The following CD300LB variants were observed in gnomAD, a reference collection of about 807,000 sequenced individuals.
CD300LB encodes CD300 molecule like family member b.
CD300LB carries 18 observed loss-of-function variants against 20.8 expected under a neutral mutation model. The ratio of observed to expected loss-of-function variants is 0.87; its 90% CI spans 0.60 to 1.28. The LOEUF (loss-of-function observed/expected upper bound fraction) is 1.28, where lower values mean the gene tolerates loss of function less well. Among genes scored for constraint, CD300LB ranks in the 50% most tolerant of loss-of-function variants. The pLI, the probability that CD300LB is intolerant of heterozygous loss-of-function variation, is 0.00. For missense variants in CD300LB, 222 were observed against 251.8 expected (o/e 0.88, Z 0.80); for synonymous variants, 91 against 91.3 (o/e 1.00, Z 0.02).
At chr17:74,523,430 G>C (rs562407823) in intron 3 of CD300LB, 149 bp downstream of exon 3, 3 of 658,026 alleles carry the variant, frequency 4.6e-6, no homozygotes, top group Admixed American at 4.4e-5. Context: ...TGCAGTGATG[G>C]GGGCAGGAGA....
chr17:74,524,368 C>T (rs1446096210), intron 2 of CD300LB, among the ~76,000 whole-genome samples: 3 of 152,108 alleles, frequency 2.0e-5, no homozygotes, highest in African/African-American at 4.8e-5. Flanking sequence ...GGAGGCAGAT[C>T]GCTTGAGGCC....
rs1907892564 is a variant in CD300LB, at chr17:74,521,960, T to A, written c.*778A>T. ...CGTTACTGCCCTCCCCACCTGGAGG[T>A]GGTTCTTGAGGCCTGACAGGCTCTT... On this transcript the variant is annotated 3_prime_UTR_variant, in exon 4 of 4. Coordinates refer to ENST00000392621, the MANE Select transcript of CD300LB (RefSeq NM_174892.4). The A allele has an allele frequency of 1.0e-6, 1 of 985,106 alleles. No homozygotes were observed. Among genetic ancestry groups the A allele is most frequent in the African/African-American group, 1.7e-5 (1 of 57,160 alleles). 61.0% of individuals were successfully genotyped at this position (985,106 alleles called of 1,614,324 possible).
Position 74,522,845 on chromosome 17 carries a change from T to G in CD300LB, c.499A>C (p.Thr167Pro). 6.2e-7 allele frequency: 1 copy of G among 1,614,082 alleles called. No homozygotes were observed. Among genetic ancestry groups the G allele is most frequent in the Non-Finnish European group, 8.5e-7 (1 of 1,180,006 alleles). The change falls in exon 4 of 4, where the codon ACT becomes CCT. Residue 167 changes from threonine to proline, a missense_variant. By Grantham distance (38) the Thr-to-Pro change is conservative. Coordinates refer to ENST00000392621, the MANE Select transcript of CD300LB (RefSeq NM_174892.4). Reference sequence around the variant, plus strand: ...GACCCCTTCAACCAGAGGATGGCAGTGACCAAGATGAGCAAGATGGGCACC... The same window carrying G: ...GACCCCTTCAACCAGAGGATGGCAGGGACCAAGATGAGCAAGATGGGCACC... ...VKVPILLILV[T>P]AILWLKGSQR...
rs748684795 is a variant in CD300LB at position 74,522,705 on chromosome 17, G to A, written c.*33C>T. 1 of 1,611,748 alleles carries A rather than the reference G, an allele frequency of 6.2e-7. No homozygotes were observed. Among genetic ancestry groups the A allele is most frequent in the South Asian group, 1.1e-5 (1 of 90,964 alleles). On this transcript the variant is annotated 3_prime_UTR_variant, in exon 4 of 4. Transcript: ENST00000392621. ...AGCCCGAGTCTCTTCTGGAAACGTG[G>A]CCAGGGCAGGAAGGCTCTGCAGATC...
At chr17:74,530,450 T>C (rs1908169314) in intron 1 of CD300LB, among the ~76,000 whole-genome samples, 1 of 151,980 alleles carries the variant, frequency 6.6e-6, no homozygotes. Context: ...TCCAACCTCA[T>C]ATCCAACTCG....
In CD300LB at chr17:74,521,311, G is replaced by T. The variant is rs73995630; in HGVS notation, c.*1427C>A. 2.6e-4 allele frequency: 255 copies of T among 978,188 alleles called. No individual in the cohort carries two copies. The African/African-American group carries it at 4.3e-3, about 16-fold the overall frequency. The allele number at this position is 978,188 out of a possible 1,614,324, so 60.6% of individuals were successfully genotyped here. A position where few individuals can be genotyped will look rare whatever the true frequency, so the allele number is the denominator to read the frequency against. On this transcript the variant is annotated 3_prime_UTR_variant, in exon 4 of 4. Coordinates refer to ENST00000392621, the MANE Select transcript of CD300LB (RefSeq NM_174892.4). ...GCACCATGCTTTGGCTTTCCCTCCC[G>T]CGGAGCGGTGCCGTCCTCCCTGGGT...
intron 1 of CD300LB, among the ~76,000 whole-genome samples, chr17:74,529,746 C>T (rs1375412907): frequency 6.6e-6 from 1 of 152,176 alleles, no homozygotes; most frequent in Non-Finnish European, 1.5e-5. Context: ...GCCAAGGTTG[C>T]ACCACTGCAC....
rs1907909774 is a variant in CD300LB at position 74,522,428 on chromosome 17, C to T, written c.*310G>A. ...CCCAACCTCTTTCTGTACTTTGGTC[C>T]CATGCTCTGTGCCCGAGTTATTCCA... On this transcript the variant is annotated 3_prime_UTR_variant, in exon 4 of 4. Transcript: ENST00000392621. 4 of 1,083,428 alleles carry T rather than the reference C, an allele frequency of 3.7e-6. No homozygotes were observed. The highest frequency in any genetic ancestry group is 3.3e-5 in the African/African-American group (2 of 60,848). The allele number at this position is 1,083,428 out of a possible 1,614,324, so 67.1% of individuals were successfully genotyped here.
intron 1 of CD300LB, among the ~76,000 whole-genome samples, chr17:74,530,785 A>G (rs111755904): frequency 8.3e-4 from 126 of 151,180 alleles, no homozygotes; most frequent in African/African-American, 2.8e-3. Context: ...TGTCTCACCC[A>G]CTAAGCCATC....
At position 74,522,110 on chromosome 17, in the gene CD300LB, A is replaced by G. The variant is rs1907896621; in HGVS notation, c.*628T>C. ...AAGAGGTGGGAGGGGGAGGACAAGCACCGGGCCGGGCCAGGGAGGTTCCCA... is the reference window on the plus strand; with the variant it reads ...AAGAGGTGGGAGGGGGAGGACAAGCGCCGGGCCGGGCCAGGGAGGTTCCCA... On this transcript the variant is annotated 3_prime_UTR_variant, in exon 4 of 4. Transcript: ENST00000392621. The G allele has an allele frequency of 6.1e-6, 6 of 985,040 alleles. No individual in the cohort carries two copies. The highest frequency in any genetic ancestry group is 3.5e-5 in the African/African-American group (2 of 57,088). The allele number at this position is 985,040 out of a possible 1,614,324, so 61.0% of individuals were successfully genotyped here.
chr17:74,525,198 C>T (rs1023027234), intron 2 of CD300LB, among the ~76,000 whole-genome samples: 7 of 152,210 alleles, frequency 4.6e-5, no homozygotes, highest in African/African-American at 1.4e-4. Flanking sequence ...TGGTCCCTGA[C>T]GTTGCCCGTG....
rs140448834 is a variant in CD300LB at position 74,530,947 on chromosome 17, G to C, written c.40+364C>G. Among the ~76,000 whole-genome samples the C allele has an allele frequency of 5.8e-4, 89 of 152,192 alleles. 1 individual carries two copies. The highest frequency in any genetic ancestry group is 1.0e-3 in the Non-Finnish European group (71 of 68,004). Reference sequence around the variant, plus strand: ...GCCTCCCAAGTAGCTGGGACTACAGGCACGGTCACCACGCCCAGCTAATTT... The same window carrying C: ...GCCTCCCAAGTAGCTGGGACTACAGCCACGGTCACCACGCCCAGCTAATTT... On this transcript the variant is annotated intron_variant, in intron 1 of 3. Transcript: ENST00000392621.
At chr17:74,523,074 C>T in intron 3 of CD300LB, 174 bp from the exon 4 acceptor site, 1 of 622,540 alleles carries the variant, frequency 1.6e-6, no homozygotes, top group South Asian at 2.0e-5. Context: ...CTCCAACAGT[C>T]ACCTTGGCTG....
chr17:74,526,160 A>G, intron 1 of CD300LB, 83 bp from the exon 2 acceptor site: 1 of 1,525,214 alleles, frequency 6.6e-7, no homozygotes, highest in Non-Finnish European at 8.8e-7. Flanking sequence ...TGGGCCTTGG[A>G]TGGAGAAACA....
Position 74,521,852 on chromosome 17 carries a change from A to G in CD300LB, c.*886T>C. 1 of 985,450 alleles carries G rather than the reference A, an allele frequency of 1.0e-6. No homozygotes were observed. Among genetic ancestry groups the G allele is most frequent in the Non-Finnish European group, 1.2e-6 (1 of 829,948 alleles). The allele number at this position is 985,450 out of a possible 1,614,324, so 61.0% of individuals were successfully genotyped here. ...TGGGTGAAGCCTGTGAGGAGACAGA[A>G]CCACTTCCCTAGGACAGTTTTCATT... On this transcript the variant is annotated 3_prime_UTR_variant, in exon 4 of 4. Transcript: ENST00000392621.
Position 74,531,382 on chromosome 17 carries a change from A to G in CD300LB, c.-32T>C. The G allele has an allele frequency of 6.2e-7, 1 of 1,613,152 alleles. No homozygotes were observed. The highest frequency in any genetic ancestry group is 2.2e-5 in the East Asian group (1 of 44,702). On this transcript the variant is annotated 5_prime_UTR_variant, in exon 1 of 4. Coordinates refer to ENST00000392621, the MANE Select transcript of CD300LB (RefSeq NM_174892.4). The stretch of plus-strand genomic sequence containing the variant: ...GCCTTCCCGGCTCCTCGTCCGCCTG[A>G]TCTGCAACCAGTGGCAAATGCAGAT...
chr17:74,521,685 G>T lies in CD300LB; in HGVS notation c.*1053C>A, dbSNP rs2242462. The T allele has an allele frequency of 7.1e-6, 7 of 985,192 alleles. No homozygotes were observed. The highest frequency in any genetic ancestry group is 1.8e-5 in the African/African-American group (1 of 57,142). 61.0% of individuals were successfully genotyped at this position (985,192 alleles called of 1,614,324 possible). ...GGAGGCGTCCTCATGGGTGTTCAAA[G>T]GGCAACATGCCGAACATGTGTGGTG... On this transcript the variant is annotated 3_prime_UTR_variant, in exon 4 of 4. Transcript: ENST00000392621.
At position 74,529,045 on chromosome 17, in the gene CD300LB, G is replaced by A. The variant is rs138272502; in HGVS notation, c.40+2266C>T. Among the ~76,000 whole-genome samples, 35 of 152,242 alleles carry A rather than the reference G, an allele frequency of 2.3e-4. No homozygotes were observed. In the East Asian group the frequency reaches 4.3e-3, roughly 18 times the overall value. ...CTTGGGGGGCTGAGGTGGGAGGATC[G>A]CCTGAGCCTGAGAGTTCAAGGCTGC... On this transcript the variant is annotated intron_variant, in intron 1 of 3. Transcript: ENST00000392621.
chr17:74,523,475 C>A, intron 3 of CD300LB, 104 bp downstream of exon 3: 1 of 828,040 alleles, frequency 1.2e-6, no homozygotes, highest in South Asian at 1.3e-5. Flanking sequence ...TTGACTCTGG[C>A]TAGAACAGGT....
Sources: gnomAD v4.1 joint callset for allele counts (sites outside exome capture counted in the v4.1 genomes callset) on GRCh38, gnomAD v4.1.1 for gene constraint, MANE v1.5 for transcripts, NCBI Gene and HGNC (gene_info 2026-07-23, HGNC 2026-07-21) for gene names.